ODAD2: variants seen among roughly 807,000 people sequenced by gnomAD.
ODAD2 encodes the protein outer dynein arm-docking complex subunit 2.
ODAD2 carries 89 observed loss-of-function variants against 106.8 expected under a neutral mutation model. The ratio of observed to expected loss-of-function variants is 0.83; its 90% CI spans 0.70 to 0.99. The LOEUF (loss-of-function observed/expected upper bound fraction) is 0.99. Among genes scored for constraint, ODAD2 ranks in the 50% least tolerant of loss-of-function variants. The pLI is 0.00. For synonymous variants in ODAD2, 404 were observed against 436.2 expected, an observed-to-expected ratio of 0.93 and a Z score of 0.92; for missense variants, 1,168 against 1,238.5, an observed-to-expected ratio of 0.94 and a Z score of 0.85.
At chr10:27,976,406 A>C (rs1340712639) in intron 7 of ODAD2, among the ~76,000 whole-genome samples, 1 of 152,136 alleles carries the variant, frequency 6.6e-6, no homozygotes, top group Non-Finnish European at 1.5e-5. Context: ...GAGTTTAGCA[A>C]AATTTCAGGA....
intron 17 of ODAD2, among the ~76,000 whole-genome samples, chr10:27,903,872 G>GA (rs1315744769): frequency 2.0e-5 from 3 of 152,106 alleles, no homozygotes; most frequent in African/African-American, 7.2e-5. Context: ...GTCACACCAA[G>GA]ACAAGGGTGT....
At chr10:27,997,325 C>A (rs576000947) in intron 1 of ODAD2, among the ~76,000 whole-genome samples, 1 of 152,250 alleles carries the variant, frequency 6.6e-6, no homozygotes, top group South Asian at 2.1e-4. Flanking sequence ...GAAATAAGTG[C>A]AAATAGCTTT....
intron 17 of ODAD2, among the ~76,000 whole-genome samples, chr10:27,879,697 T>C (rs1359655358): frequency 4.6e-5 from 7 of 152,140 alleles, no homozygotes; most frequent in Admixed American, 4.6e-4. Flanking sequence ...GTTTACTTGT[T>C]GGATCTGTTA....
chr10:27,971,064 G>A (rs550491826), intron 8 of ODAD2, 44 bp downstream of exon 8: 38 of 1,257,002 alleles, frequency 3.0e-5, no homozygotes, highest in Non-Finnish European at 4.3e-5. Context: ...GGTGAGTATG[G>A]TTACTAATGC....
intron 17 of ODAD2, among the ~76,000 whole-genome samples, chr10:27,904,504 A>C (rs1224918620): frequency 6.6e-6 from 1 of 152,198 alleles, no homozygotes; most frequent in Non-Finnish European, 1.5e-5. Flanking sequence ...ATAAATAAAT[A>C]TAAAAAGTCC....
intron 17 of ODAD2, among the ~76,000 whole-genome samples, chr10:27,881,952 G>C (rs930023977): frequency 7.2e-5 from 11 of 151,868 alleles, no homozygotes; most frequent in Admixed American, 7.2e-4. Context: ...GATTGCTTGA[G>C]CCCAGAAGTT....
chr10:27,815,245 C>G (rs946485958), intron 19 of ODAD2, among the ~76,000 whole-genome samples: 1 of 152,288 alleles, frequency 6.6e-6, no homozygotes, highest in South Asian at 2.1e-4. Context: ...ACCAAATACT[C>G]CCTGTTTCTC....
chr10:27,931,533 AT>A (rs1031110830), intron 16 of ODAD2, among the ~76,000 whole-genome samples: 5 of 150,002 alleles, frequency 3.3e-5, no homozygotes, highest in South Asian at 2.1e-4. Flanking sequence ...TTTATCAGTG[AT>A]TTTTTTTTCA....
chr10:27,818,303 C>T (rs889335187), intron 19 of ODAD2, among the ~76,000 whole-genome samples: 9 of 151,874 alleles, frequency 5.9e-5, no homozygotes, highest in South Asian at 2.1e-4. Context: ...TATAACCCCT[C>T]GATTATAGGA....
chr10:27,838,066 GA>G (rs993015254), intron 19 of ODAD2, among the ~76,000 whole-genome samples: 7 of 151,110 alleles, frequency 4.6e-5, no homozygotes, highest in South Asian at 2.1e-4. Flanking sequence ...TGAAGAAACT[GA>G]AAAAAAAGGA....
chr10:27,996,660 T>A (rs1280080719), intron 1 of ODAD2, among the ~76,000 whole-genome samples: 2 of 152,190 alleles, frequency 1.3e-5, no homozygotes, highest in Non-Finnish European at 2.9e-5. Context: ...CACCCTGAAT[T>A]TTCCAGAATT....
chr10:27,972,218 G>A (rs1848908949), intron 7 of ODAD2, among the ~76,000 whole-genome samples: 1 of 152,084 alleles, frequency 6.6e-6, no homozygotes, highest in South Asian at 2.1e-4. Flanking sequence ...TTACTTAAAG[G>A]AGACGTGACA....
chr10:27,845,965 A>G (rs1233454654), intron 19 of ODAD2, among the ~76,000 whole-genome samples: 1 of 152,176 alleles, frequency 6.6e-6, no homozygotes, highest in Non-Finnish European at 1.5e-5. Flanking sequence ...CTCCCACACA[A>G]TAATAATGGG....
intron 8 of ODAD2, among the ~76,000 whole-genome samples, chr10:27,970,664 A>G (rs1457601253): frequency 6.6e-6 from 1 of 152,120 alleles, no homozygotes; most frequent in Non-Finnish European, 1.5e-5. Flanking sequence ...ATATTTTTCT[A>G]TTATAAAATA....
At position 27,970,350 on chromosome 10, in the gene ODAD2, A is replaced by C. The variant is rs200920382; in HGVS notation, c.1142+758T>G. ...TGGTATTAAAGTTCTGTTAGACATT[A>C]TCTCTATGACAGTTTCGCTGATTAG... On this transcript the variant is annotated intron_variant, in intron 8 of 19. Coordinates refer to ENST00000305242, the MANE Select transcript of ODAD2 (RefSeq NM_018076.5). Among the ~76,000 whole-genome samples the C allele has an allele frequency of 5.9e-4, 90 of 152,238 alleles. No homozygotes were observed. The East Asian group carries it at 0.016, about 28-fold the overall frequency.
intron 9 of ODAD2, among the ~76,000 whole-genome samples, chr10:27,962,660 G>A (rs1050368933): frequency 4.6e-5 from 7 of 152,226 alleles, no homozygotes; most frequent in Admixed American, 1.3e-4. Flanking sequence ...TCTATGGTTT[G>A]ATGCATGGAC....
At chr10:27,901,201 T>A (rs571428336) in intron 17 of ODAD2, among the ~76,000 whole-genome samples, 3 of 152,162 alleles carry the variant, frequency 2.0e-5, no homozygotes, top group African/African-American at 7.2e-5. Context: ...GAGTTTCATA[T>A]CCAGCCAAAC....
intron 17 of ODAD2, among the ~76,000 whole-genome samples, chr10:27,895,322 A>G (rs1842793805): frequency 6.6e-6 from 1 of 152,182 alleles, no homozygotes; most frequent in African/African-American, 2.4e-5. Context: ...CCTATTTGAG[A>G]TGGAGTCTAG....
rs1162997194 is a variant in ODAD2, at chr10:27,831,259, A to ATAATAGAGCATATAAATG, written c.3022-18635_3022-18634insCATTTATATGCTCTATTA. On this transcript the variant is annotated intron_variant, in intron 19 of 19. Coordinates refer to ENST00000305242, the MANE Select transcript of ODAD2 (RefSeq NM_018076.5). ...TGATACTAATTCAAATGCTCTATGA[A>ATAATAGAGCATATAAATG]TTGGAGGCAACATTTATAAAATATT... Among the ~76,000 whole-genome samples, 5 of 152,306 alleles carry ATAATAGAGCATATAAATG rather than the reference A, an allele frequency of 3.3e-5. No individual in the cohort carries two copies. In the East Asian group the frequency reaches 7.7e-4, roughly 24 times the overall value.
Sources: allele counts gnomAD v4.1 joint callset (sites outside exome capture counted in the v4.1 genomes callset), GRCh38; gene constraint gnomAD v4.1.1; transcripts MANE v1.5; gene names NCBI Gene and HGNC (gene_info 2026-07-23, HGNC 2026-07-21).